The following KHDRBS2 variants were observed in gnomAD, a reference collection of about 807,000 sequenced individuals.
KHDRBS2 encodes the protein KH RNA binding domain containing, signal transduction associated 2.
In KHDRBS2, 26 loss-of-function variants were observed where a neutral mutation model predicts 44.3. That is an observed-to-expected ratio of 0.59 (90% CI 0.43 to 0.81). The LOEUF (loss-of-function observed/expected upper bound fraction) is 0.81. Among genes scored for constraint, KHDRBS2 ranks in the 40% least tolerant of loss-of-function variants. The pLI is 0.00. For missense variants in KHDRBS2, 476 were observed against 433.1 expected (o/e 1.10, Z -0.88); for synonymous variants, 194 against 151.1 (o/e 1.28, Z -2.08).
chr6:61,785,283 AC>A lies in KHDRBS2; in HGVS notation c.811-52520del, dbSNP rs1245885958. Among the ~76,000 whole-genome samples, 29 of 152,244 alleles carry A rather than the reference AC, an allele frequency of 1.9e-4. No individual in the cohort carries two copies. The South Asian group carries it at 5.2e-3, about 27-fold the overall frequency. On this transcript the variant is annotated intron_variant, in intron 6 of 8. Transcript: ENST00000281156. ...ATGCTAATTTATAAAATAAGATACC[AC>A]TTTTTTGGCCTCTCATCTCAACAAA...
chr6:61,602,430 C>T, the KHDRBS2 span, among the ~76,000 whole-genome samples: 1 of 152,238 alleles, frequency 6.6e-6, no homozygotes, highest in African/African-American at 2.4e-5. Flanking sequence ...AGGATTCCTC[C>T]TAAGCTGTGT....
intron 3 of KHDRBS2, among the ~76,000 whole-genome samples, chr6:61,981,428 A>T (rs1255991749): frequency 6.7e-6 from 1 of 148,180 alleles, no homozygotes; most frequent in East Asian, 2.0e-4. Flanking sequence ...TTAATTATTT[A>T]TGAGAACCAA....
chr6:61,851,865 AATT>A (rs1410506226), intron 6 of KHDRBS2, among the ~76,000 whole-genome samples: 2 of 152,220 alleles, frequency 1.3e-5, no homozygotes, highest in African/African-American at 4.8e-5. Flanking sequence ...ATCAATATGC[AATT>A]TATAGAATAA....
At chr6:62,005,712 T>A (rs1562625946) in intron 3 of KHDRBS2, among the ~76,000 whole-genome samples, 1 of 151,412 alleles carries the variant, frequency 6.6e-6, no homozygotes, top group East Asian at 1.9e-4. Context: ...GAATATAAAA[T>A]AACAATATAT....
At chr6:62,143,406 T>C (rs1167576499) in intron 2 of KHDRBS2, among the ~76,000 whole-genome samples, 6 of 152,058 alleles carry the variant, frequency 3.9e-5, no homozygotes, top group Non-Finnish European at 7.4e-5. Flanking sequence ...TTTTAATGTA[T>C]ATATTTAATA....
At chr6:62,039,994 G>T (rs533680489) in intron 3 of KHDRBS2, among the ~76,000 whole-genome samples, 2 of 152,162 alleles carry the variant, frequency 1.3e-5, no homozygotes, top group African/African-American at 4.8e-5. Context: ...CCAGCTTTAT[G>T]ACTAACCTAA....
chr6:61,732,193 C>A (rs192742213), intron 7 of KHDRBS2, among the ~76,000 whole-genome samples: 161 of 152,088 alleles, frequency 1.1e-3, no homozygotes, highest in African/African-American at 3.8e-3. Context: ...AATTTTGGGT[C>A]AATCTAACGA....
chr6:61,785,220 A>G (rs532994604), intron 6 of KHDRBS2, among the ~76,000 whole-genome samples: 1 of 152,000 alleles, frequency 6.6e-6, no homozygotes, highest in African/African-American at 2.4e-5. Context: ...AAGAGGGAAG[A>G]GTGCAAACAT....
intron 6 of KHDRBS2, among the ~76,000 whole-genome samples, chr6:61,893,449 C>T (rs983686124): frequency 3.9e-5 from 6 of 152,128 alleles, no homozygotes; most frequent in East Asian, 1.9e-4. Flanking sequence ...CACATGCACA[C>T]GTATGTTTAT....
the KHDRBS2 span, among the ~76,000 whole-genome samples, chr6:61,633,639 C>T: frequency 1.3e-5 from 2 of 152,056 alleles, no homozygotes; most frequent in African/African-American, 4.8e-5. Flanking sequence ...ATGGGGAACT[C>T]TGTCTTGCAC....
At chr6:61,595,015 G>A in the KHDRBS2 span, among the ~76,000 whole-genome samples, 1 of 152,048 alleles carries the variant, frequency 6.6e-6, no homozygotes, top group South Asian at 2.1e-4. Flanking sequence ...AACAAAATCA[G>A]CATCAGACAT....
At chr6:62,017,534 C>A (rs1781429052) in intron 3 of KHDRBS2, among the ~76,000 whole-genome samples, 1 of 151,990 alleles carries the variant, frequency 6.6e-6, no homozygotes, top group South Asian at 2.1e-4. Flanking sequence ...AAGAAACTAT[C>A]CTATGAAAAA....
intron 4 of KHDRBS2, among the ~76,000 whole-genome samples, chr6:61,967,494 G>C (rs1770283886): frequency 6.6e-6 from 1 of 151,892 alleles, no homozygotes; most frequent in African/African-American, 2.4e-5. Context: ...AAGCAGCAGG[G>C]TGGGCTGTAG....
At chr6:62,199,275 T>C (rs1160143538) in intron 1 of KHDRBS2, among the ~76,000 whole-genome samples, 1 of 152,072 alleles carries the variant, frequency 6.6e-6, no homozygotes, top group Non-Finnish European at 1.5e-5. Context: ...GGTCATTCAA[T>C]TAGGAAAAAA....
At chr6:61,850,611 CATTT>C (rs568885351) in intron 6 of KHDRBS2, among the ~76,000 whole-genome samples, 201 of 152,206 alleles carry the variant, frequency 1.3e-3, no homozygotes, top group Non-Finnish European at 2.6e-3. Flanking sequence ...TCATGAAGGT[CATTT>C]GACACAAAAT....
the KHDRBS2 span, among the ~76,000 whole-genome samples, chr6:61,548,922 ATAGTTACGTCAGTTTGG>A: frequency 6.6e-6 from 1 of 152,134 alleles, no homozygotes; most frequent in African/African-American, 2.4e-5. Flanking sequence ...AACACCATAA[ATAGTTACGTCAGTTTGG>A]TAGCTTAAAG....
chr6:61,608,812 C>T, the KHDRBS2 span, among the ~76,000 whole-genome samples: 13 of 152,220 alleles, frequency 8.5e-5, no homozygotes, highest in Non-Finnish European at 1.5e-4. Flanking sequence ...TGTATATGTG[C>T]CACATTTTCT....
chr6:61,872,973 T>C (rs554868500), intron 6 of KHDRBS2, among the ~76,000 whole-genome samples: 3 of 152,070 alleles, frequency 2.0e-5, no homozygotes, highest in Non-Finnish European at 4.4e-5. Context: ...TGGTTATCCA[T>C]GAAGGGGGAA....
chr6:62,033,201 A>C (rs948431789), intron 3 of KHDRBS2, among the ~76,000 whole-genome samples: 2 of 151,950 alleles, frequency 1.3e-5, no homozygotes, highest in African/African-American at 4.8e-5. Flanking sequence ...AAAAACAAAC[A>C]ACCACAACCG....
Sources: gnomAD v4.1 joint callset for allele counts (sites outside exome capture counted in the v4.1 genomes callset) on GRCh38, gnomAD v4.1.1 for gene constraint, MANE v1.5 for transcripts, NCBI Gene and HGNC (gene_info 2026-07-23, HGNC 2026-07-21) for gene names.